LGALS8: variants seen among roughly 807,000 people sequenced by gnomAD.
LGALS8 encodes galectin 8.
A neutral mutation model predicts 35.9 loss-of-function variants in LGALS8; 30 were observed. That is an observed-to-expected ratio of 0.83 (90% CI 0.62 to 1.13). The LOEUF is 1.13. LGALS8 is among the 50% of genes most tolerant of loss of function. The pLI, the probability that LGALS8 is intolerant of heterozygous loss-of-function variation, is 0.00. For missense variants in LGALS8, 366 were observed against 388.7 expected (o/e 0.94, Z 0.49); for synonymous variants, 138 against 136.1 (o/e 1.01, Z -0.10).
chr1:236,539,609 AT>A (rs1661825618), intron 4 of LGALS8, among the ~76,000 whole-genome samples: 1 of 104,738 alleles, frequency 9.5e-6, no homozygotes, highest in Non-Finnish European at 2.3e-5. Context: ...GTACGGTTGA[AT>A]TTGGTCCCAG....
At chr1:236,547,556 AAGT>A (rs1662448350) in intron 9 of LGALS8, among the ~76,000 whole-genome samples, 2 of 151,388 alleles carry the variant, frequency 1.3e-5, no homozygotes, top group Non-Finnish European at 2.9e-5. Context: ...TGAGGCAGAA[AAGT>A]CAGTCAGGAT....
At chr1:236,525,095 C>G (rs1005006252) in intron 1 of LGALS8, among the ~76,000 whole-genome samples, 1 of 152,096 alleles carries the variant, frequency 6.6e-6, no homozygotes, top group Non-Finnish European at 1.5e-5. Context: ...TGATGCTTTC[C>G]AACACTCCCC....
At chr1:236,537,910 C>A (rs1166967424) in intron 3 of LGALS8, among the ~76,000 whole-genome samples, 4 of 134,258 alleles carry the variant, frequency 3.0e-5, no homozygotes, top group Admixed American at 7.7e-5. Flanking sequence ...CCAGCCTGGG[C>A]AACATAGTGA....
Position 236,552,627 on chromosome 1 carries a change from T to G in LGALS8, c.*4466T>G, listed in dbSNP as rs1415739549. The G allele has an allele frequency of 6.6e-6, 1 of 152,214 alleles. No individual in the cohort carries two copies. Among genetic ancestry groups the G allele is most frequent in the Non-Finnish European group, 1.5e-5 (1 of 68,066 alleles). 9.4% of individuals were successfully genotyped at this position (152,214 alleles called of 1,614,324 possible). On this transcript the variant is annotated 3_prime_UTR_variant, in exon 10 of 10. Transcript: ENST00000366584. The stretch of plus-strand genomic sequence containing the variant: ...AACATTCTGTGTCACAATATCCTAG[T>G]TTTGGGGCTTTAAAAACGTCTAGGT...
rs770743522 is a variant in LGALS8 at position 236,552,054 on chromosome 1, C to A, written c.*3893C>A. The A allele has an allele frequency of 2.5e-6, 4 of 1,613,604 alleles. No homozygotes were observed. Among genetic ancestry groups the A allele is most frequent in the Admixed American group, 3.3e-5 (2 of 59,968 alleles). On this transcript the variant is annotated 3_prime_UTR_variant, in exon 10 of 10. Transcript: ENST00000366584. ...ATTCTGGTAGCAAGACAATATAATT[C>A]TCCTTTAGTTTTTCAGCCAGTGCTA...
At chr1:236,529,793 C>T (rs919369778) in intron 2 of LGALS8, among the ~76,000 whole-genome samples, 1 of 151,790 alleles carries the variant, frequency 6.6e-6, no homozygotes, top group South Asian at 2.1e-4. Context: ...GGACTACAGG[C>T]GCACACCGCC....
At chr1:236,522,163 A>G (rs1571982346), upstream of LGALS8, among the ~76,000 whole-genome samples, 1 of 152,244 alleles carries the variant, frequency 6.6e-6, no homozygotes, top group Non-Finnish European at 1.5e-5. Context: ...CTTAGGATTT[A>G]TGAACATTTT....
At chr1:236,538,596 A>G (rs769353209) in intron 3 of LGALS8, among the ~76,000 whole-genome samples, 21 of 152,232 alleles carry the variant, frequency 1.4e-4, no homozygotes, top group Non-Finnish European at 2.4e-4. Context: ...CTTCCATCTT[A>G]CCAGCAGAGC....
At chr1:236,527,423 T>G (rs1470704470) in intron 2 of LGALS8, among the ~76,000 whole-genome samples, 1 of 152,202 alleles carries the variant, frequency 6.6e-6, no homozygotes, top group Non-Finnish European at 1.5e-5. Context: ...TTCAGTCTTG[T>G]GGCATGGGCT....
At chr1:236,543,052 A>C (rs2758174) in intron 7 of LGALS8, 1,064,543 of 1,611,388 alleles carry the variant, frequency 0.66, 357,557 homozygotes, top group Non-Finnish European at 0.7. Context: ...TTTGAAGAGC[A>C]CCAAATTTTC....
In LGALS8 at chr1:236,544,755, A is replaced by G. The variant is rs1365817412; in HGVS notation, c.644A>G (p.Asn215Ser). The G allele has an allele frequency of 6.3e-7, 1 of 1,596,082 alleles. No homozygotes were observed. The change falls in exon 9 of 10, where the codon AAT becomes AGT. Residue 215 changes from asparagine (N) to serine (S), a missense_variant. Transcript: ENST00000366584. ...TTTTCTTTCTTTCTCAAAAGCTTTAATGTTGACCTACTAGCAGGAAAATCA... is the reference window on the plus strand; with the variant it reads ...TTTTCTTTCTTTCTCAAAAGCTTTAGTGTTGACCTACTAGCAGGAAAATCA... ...GEVNANAKSF[N>S]VDLLAGKSKD...
Position 236,551,877 on chromosome 1 carries a change from A to T in LGALS8, c.*3716A>T, listed in dbSNP as rs1046194419. 59 of 671,446 alleles carry T rather than the reference A, an allele frequency of 8.8e-5. No homozygotes were observed. The Admixed American group carries it at 1.3e-3, about 15-fold the overall frequency. The allele number at this position is 671,446 out of a possible 1,614,324, so 41.6% of individuals were successfully genotyped here. On this transcript the variant is annotated 3_prime_UTR_variant, in exon 10 of 10. Transcript: ENST00000366584. The stretch of plus-strand genomic sequence containing the variant: ...ATTTGAGACTGGAGCTGCCTGTATG[A>T]GGACTGGATCAACTGCTAGTCACGT...
At position 236,527,757 on chromosome 1, in the gene LGALS8, T is replaced by G. The variant is rs114891084; in HGVS notation, c.45+1642T>G. The stretch of plus-strand genomic sequence containing the variant: ...ATTTTTTTTTTTTAATTTTTTGAGA[T>G]ATAGTTTCCCTCTGGTCACCCAGGC... On this transcript the variant is annotated intron_variant, in intron 2 of 9. Coordinates refer to ENST00000366584, the MANE Select transcript of LGALS8 (RefSeq NM_201544.4). Among the ~76,000 whole-genome samples the G allele has an allele frequency of 2.9e-3, 448 of 152,082 alleles. 1 individual carries two copies. The highest frequency in any genetic ancestry group is 0.01 in the African/African-American group (429 of 41,462).
rs576428042 is a variant in LGALS8 at position 236,548,785 on chromosome 1, G to A, written c.*624G>A. The A allele has an allele frequency of 1.3e-4, 53 of 394,622 alleles. No homozygotes were observed. In the East Asian group the frequency reaches 1.5e-3, roughly 11 times the overall value. The allele number at this position is 394,622 out of a possible 1,614,324, so 24.4% of individuals were successfully genotyped here. A position where few individuals can be genotyped will look rare whatever the true frequency, so the allele number is the denominator to read the frequency against. ...GTTGACTGACATCATTTTCTTTATC[G>A]TAATAAACATGTGGCTCTATTAGCT... On this transcript the variant is annotated 3_prime_UTR_variant, in exon 10 of 10. Coordinates refer to ENST00000366584, the MANE Select transcript of LGALS8 (RefSeq NM_201544.4).
chr1:236,526,099 A>G lies in LGALS8; in HGVS notation c.29A>G (p.Asn10Ser), dbSNP rs1329147327. The G allele has an allele frequency of 3.1e-6, 5 of 1,610,552 alleles. No homozygotes were observed. The highest frequency in any genetic ancestry group is 2.2e-5 in the East Asian group (1 of 44,862). ...ATGTTGTCCTTAAACAACCTACAGA[A>G]TATCATCTATAACCCGGTAACTGAT... Reference protein sequence around the residue: MMLSLNNLQNIIYNPVIPFV... With the variant: MMLSLNNLQSIIYNPVIPFV... The change falls in exon 2 of 10, where the codon AAT becomes AGT. Residue 10 changes from asparagine (N) to serine (S), a missense_variant. Transcript: ENST00000366584. This position sits in a 1 kb window ranked among gnomAD's most constrained non-coding sequence, Gnocchi z 4.6.
intron 2 of LGALS8, among the ~76,000 whole-genome samples, chr1:236,537,010 G>A (rs1416929418): frequency 1.4e-4 from 13 of 91,962 alleles, no homozygotes; most frequent in Non-Finnish European, 2.6e-4. Context: ...TGGCCATGAG[G>A]TATGCAGTTC....
intron 1 of LGALS8, 43 bp from the exon 2 acceptor site, chr1:236,525,925 C>A: frequency 3.9e-6 from 2 of 511,410 alleles, no homozygotes; most frequent in South Asian, 3.7e-5. Context: ...AAGAAAAATG[C>A]TACATGCTTA....
chr1:236,537,034 T>TTTTTTTTTTTTTTTG (rs1661566425), intron 2 of LGALS8, among the ~76,000 whole-genome samples: 2 of 144,968 alleles, frequency 1.4e-5, no homozygotes, highest in African/African-American at 2.6e-5. Flanking sequence ...TTTTTTTTTT[T>TTTTTTTTTTTTTTTG]GAGACGGAGC....
chr1:236,541,495 T>TG (rs1661988353), intron 5 of LGALS8, 159 bp from the exon 6 acceptor site: 17 of 507,370 alleles, frequency 3.4e-5, no homozygotes, highest in Admixed American at 1.3e-4. Context: ...GCCAATCTGA[T>TG]GGGGGGCGGA....
Sources: gnomAD v4.1 joint callset for allele counts (sites outside exome capture counted in the v4.1 genomes callset) on GRCh38, gnomAD v4.1.1 for gene constraint, Gnocchi (gnomAD v3.1) non-coding constraint, MANE v1.5 for transcripts, NCBI Gene and HGNC (gene_info 2026-07-23, HGNC 2026-07-21) for gene names.